The following MAST4 variants were observed in gnomAD, a reference collection of about 807,000 sequenced individuals.
The protein encoded by MAST4 is microtubule associated serine/threonine kinase family member 4.
Under a neutral mutation model 162.7 loss-of-function variants are expected in MAST4, and 89 were observed. The ratio of observed to expected loss-of-function variants is 0.55; its 90% CI spans 0.46 to 0.65. The LOEUF is 0.65. Ranked by LOEUF, MAST4 falls within the 30% of genes least tolerant of loss-of-function variation. MAST4 has a pLI of 0.00. For synonymous variants in MAST4, 1,479 were observed against 1,361.1 expected, an observed-to-expected ratio of 1.09 and a Z score of -1.91; for missense variants, 3,153 against 3,374.0, an observed-to-expected ratio of 0.93 and a Z score of 1.62.
chr5:66,923,204 G>T (rs969190390), intron 4 of MAST4, among the ~76,000 whole-genome samples: 1 of 152,190 alleles, frequency 6.6e-6, no homozygotes, highest in East Asian at 1.9e-4. Context: ...GTTTTTCATA[G>T]TCCTTGTATT....
intron 1 of MAST4, among the ~76,000 whole-genome samples, chr5:66,757,014 G>A (rs1481519208): frequency 2.6e-5 from 4 of 152,038 alleles, no homozygotes; most frequent in Non-Finnish European, 5.9e-5. Context: ...TGATGAATTA[G>A]GTTTTTTTTC....
At chr5:66,763,329 G>A (rs6882644) in intron 2 of MAST4, among the ~76,000 whole-genome samples, 6,861 of 152,118 alleles carry the variant, frequency 0.045, 479 homozygotes, top group African/African-American at 0.15. Flanking sequence ...GCTCCCAGTC[G>A]TTTAATTGTA....
At chr5:66,786,995 G>C (rs572832823) in intron 2 of MAST4, among the ~76,000 whole-genome samples, 62 of 152,300 alleles carry the variant, frequency 4.1e-4, no homozygotes, top group African/African-American at 1.4e-3. Context: ...AGAAAGTCTA[G>C]AGGAAAATCA....
At chr5:66,886,995 C>G (rs1762081965) in intron 3 of MAST4, among the ~76,000 whole-genome samples, 1 of 151,942 alleles carries the variant, frequency 6.6e-6, no homozygotes, top group African/African-American at 2.4e-5. Context: ...AAAATTTAGT[C>G]TTTAGGAAGA....
intron 1 of MAST4, among the ~76,000 whole-genome samples, chr5:66,732,973 A>G (rs370618607): frequency 2.0e-5 from 3 of 151,926 alleles, no homozygotes; most frequent in African/African-American, 7.2e-5. Context: ...TTCTGCCTGC[A>G]CCCCACTCCT....
At chr5:67,001,854 T>C (rs1049533437) in intron 4 of MAST4, 5 of 152,172 alleles carry the variant, frequency 3.3e-5, no homozygotes, top group Admixed American at 2.6e-4. Context: ...CATCTTTGGA[T>C]CCAAACACTC....
intron 1 of MAST4, among the ~76,000 whole-genome samples, chr5:66,626,575 A>G (rs1303450944): frequency 6.6e-6 from 1 of 152,244 alleles, no homozygotes; most frequent in Non-Finnish European, 1.5e-5. Context: ...GAACATTTGC[A>G]AATTGTTTCC....
At chr5:67,110,762 G>A (rs1429242807) in intron 11 of MAST4, among the ~76,000 whole-genome samples, 9 of 152,182 alleles carry the variant, frequency 5.9e-5, no homozygotes, top group African/African-American at 1.7e-4. Flanking sequence ...GGTGGCTCAC[G>A]CCTGTAACCC....
chr5:66,939,823 T>G (rs900144950), intron 4 of MAST4, among the ~76,000 whole-genome samples: 3 of 152,152 alleles, frequency 2.0e-5, no homozygotes, highest in Non-Finnish European at 2.9e-5. Context: ...GCACACAACT[T>G]TTTTGATTTC....
At chr5:66,609,195 G>A (rs534632243) in intron 1 of MAST4, among the ~76,000 whole-genome samples, 9 of 151,692 alleles carry the variant, frequency 5.9e-5, no homozygotes, top group African/African-American at 2.2e-4. Context: ...TATCACTCCT[G>A]TGTCCTAGAC....
chr5:66,992,285 T>C (rs535088766), intron 4 of MAST4, among the ~76,000 whole-genome samples: 1 of 152,332 alleles, frequency 6.6e-6, no homozygotes, highest in South Asian at 2.1e-4. Flanking sequence ...TCTTGATAAC[T>C]ATGAGGAAAA....
chr5:67,094,088 TTACA>T, intron 6 of MAST4: 1 of 1,016,298 alleles, frequency 9.8e-7, no homozygotes, highest in Non-Finnish European at 1.4e-6. Context: ...TCTGGTATAT[TTACA>T]TACATCTTAC....
intron 1 of MAST4, among the ~76,000 whole-genome samples, chr5:66,723,229 C>G (rs1298763774): frequency 6.6e-6 from 1 of 152,108 alleles, no homozygotes; most frequent in Non-Finnish European, 1.5e-5. Context: ...CTTGGAAGCC[C>G]TTGTCCAGAA....
intron 1 of MAST4, among the ~76,000 whole-genome samples, chr5:66,720,946 T>A (rs770420531): frequency 1.7e-4 from 26 of 152,082 alleles, no homozygotes; most frequent in Non-Finnish European, 3.2e-4. Flanking sequence ...CCCATCCCAT[T>A]TCAGCATCGC....
At position 67,165,588 on chromosome 5, in the gene MAST4, C is replaced by A. The variant is rs748974554; in HGVS notation, c.6409C>A (p.Pro2137Thr). The A allele has an allele frequency of 3.1e-6, 5 of 1,613,906 alleles. No individual in the cohort carries two copies. The South Asian group carries it at 4.4e-5, about 14-fold the overall frequency. ...GCATCCCAGCAGCATCCCTCCGCCC[C>A]CTCTGACGGCCAAAGACCTGTCCAG... The part of the protein sequence containing the change: ...QRHPSSIPPP[P>T]LTAKDLSSPA... Residue 2137 changes from proline (P) to threonine (T), a missense_variant, in exon 29 of 29, where the codon CCT becomes ACT. By Grantham distance (38) the Pro-to-Thr change is conservative. This residue lies in a region of MAST4 where 1,644 missense variants were observed against 1,495.0 expected (regional missense o/e 1.10). Coordinates refer to ENST00000403625, the MANE Select transcript of MAST4 (RefSeq NM_001164664.2).
chr5:66,955,036 C>T, intron 4 of MAST4, among the ~76,000 whole-genome samples: 1 of 151,618 alleles, frequency 6.6e-6, no homozygotes, highest in Non-Finnish European at 1.5e-5. Flanking sequence ...CCCATCTCTA[C>T]AAAAAATACA....
At chr5:66,622,444 G>GAAATC (rs1336868539) in intron 1 of MAST4, among the ~76,000 whole-genome samples, 15 of 138,810 alleles carry the variant, frequency 1.1e-4, no homozygotes, top group Admixed American at 9.2e-4. Flanking sequence ...TTCTAACTTG[G>GAAATC]AAATCAGTTG....
chr5:66,618,807 AT>A (rs144940559), intron 1 of MAST4, among the ~76,000 whole-genome samples: 23 of 150,536 alleles, frequency 1.5e-4, no homozygotes, highest in Non-Finnish European at 2.7e-4. Flanking sequence ...AAAGAAAAGG[AT>A]TTTTTTTTTC....
At chr5:66,855,723 A>G (rs30732) in intron 3 of MAST4, among the ~76,000 whole-genome samples, 136,594 of 152,260 alleles carry the variant, frequency 0.9, 61,372 homozygotes, top group African/African-American at 0.93. Flanking sequence ...GGAAACCAGA[A>G]CATGTATGCA....
Sources: allele counts gnomAD v4.1 joint callset (sites outside exome capture counted in the v4.1 genomes callset), GRCh38; gene constraint gnomAD v4.1.1; regional missense constraint gnomAD v4.1.1; transcripts MANE v1.5; gene names NCBI Gene and HGNC (gene_info 2026-07-23, HGNC 2026-07-21).